TXNRD2: variants seen among roughly 807,000 people sequenced by gnomAD.
The protein encoded by TXNRD2 is thioredoxin reductase 2, also known as thioredoxin reductase 2, mitochondrial.
Under a neutral mutation model 70.8 loss-of-function variants are expected in TXNRD2, and 67 were observed. The ratio of observed to expected loss-of-function variants is 0.95; its 90% CI spans 0.78 to 1.16. TXNRD2 has a LOEUF of 1.16. TXNRD2 is among the 50% of genes most tolerant of loss of function. The pLI, the probability that TXNRD2 is intolerant of heterozygous loss-of-function variation, is 0.00. For missense variants in TXNRD2, 644 were observed against 719.9 expected, an observed-to-expected ratio of 0.89 and a Z score of 1.21; for synonymous variants, 301 against 295.8, an observed-to-expected ratio of 1.02 and a Z score of -0.18.
At chr22:19,895,082 G>T in intron 11 of TXNRD2, 1 of 1,596,248 alleles carries the variant, frequency 6.3e-7, no homozygotes, top group South Asian at 1.1e-5. Context: ...CAGGGAAGGC[G>T]AGGATGATTG....
intron 4 of TXNRD2, 117 bp downstream of exon 4, chr22:19,918,743 G>T: frequency 2.3e-6 from 3 of 1,317,072 alleles, no homozygotes; most frequent in South Asian, 1.2e-5. Flanking sequence ...GCCCCTGGCT[G>T]AGAAACCCAT....
intron 8 of TXNRD2, among the ~76,000 whole-genome samples, chr22:19,899,997 A>G (rs1471774652): frequency 6.6e-6 from 1 of 152,258 alleles, no homozygotes; most frequent in African/African-American, 2.4e-5. Context: ...GCCCAATGTC[A>G]TTGCTAATCC....
intron 8 of TXNRD2, among the ~76,000 whole-genome samples, chr22:19,910,705 C>G (rs974430747): frequency 6.6e-6 from 1 of 152,178 alleles, no homozygotes; most frequent in Non-Finnish European, 1.5e-5. Flanking sequence ...CTCCTGGGCT[C>G]AAGCAATCCT....
chr22:19,933,598 C>T (rs754021409), intron 1 of TXNRD2: 148 of 979,842 alleles, frequency 1.5e-4, no homozygotes, highest in Non-Finnish European at 1.9e-4. Flanking sequence ...CCCCTGTGCA[C>T]ACCCAGGAGC....
At chr22:19,901,669 A>G (rs184198156) in intron 8 of TXNRD2, among the ~76,000 whole-genome samples, 130 of 152,328 alleles carry the variant, frequency 8.5e-4, no homozygotes, top group Non-Finnish European at 1.5e-3. Context: ...AATAAGACAG[A>G]CACCAAAGCC....
rs1019367274 is a variant in TXNRD2, at chr22:19,895,311, T to C, written c.949+96A>G. ...CCAACCCGCCTGGCAGCCAGCAGGA[T>C]GGGGGAGCCCTGGGAGGTGACAGGA... On this transcript the variant is annotated intron_variant, in intron 11 of 17. Transcript: ENST00000400521. 14 of 1,599,972 alleles carry C rather than the reference T, an allele frequency of 8.8e-6. No individual in the cohort carries two copies. In the African/African-American group the frequency reaches 1.9e-4, roughly 21 times the overall value.
At chr22:19,880,804 G>A in intron 12 of TXNRD2, 87 bp from the exon 13 acceptor site, 1 of 899,344 alleles carries the variant, frequency 1.1e-6, no homozygotes, top group Non-Finnish European at 1.8e-6. Flanking sequence ...CCTCCGAGTG[G>A]GCATCTCCCT....
chr22:19,894,688 C>T (rs2145967311), intron 11 of TXNRD2: 1 of 190,914 alleles, frequency 5.2e-6, no homozygotes, highest in Admixed American at 5.4e-5. Flanking sequence ...ATTTAATATG[C>T]TAAAGAAAAA....
intron 1 of TXNRD2, among the ~76,000 whole-genome samples, chr22:19,933,118 C>A (rs76430998): frequency 6.6e-6 from 1 of 152,234 alleles, no homozygotes; most frequent in East Asian, 1.9e-4. Context: ...CCAAACCCAC[C>A]CACTCTTTCA....
chr22:19,932,349 C>T (rs1456626854), intron 1 of TXNRD2: 12 of 1,612,424 alleles, frequency 7.4e-6, no homozygotes, highest in African/African-American at 6.7e-5. Context: ...GTTGTGGTGT[C>T]GCCTCACCTT....
At chr22:19,912,577 A>C (rs1385634416) in intron 7 of TXNRD2, among the ~76,000 whole-genome samples, 1 of 152,222 alleles carries the variant, frequency 6.6e-6, no homozygotes, top group African/African-American at 2.4e-5. Context: ...GGCTGCTGGA[A>C]GCTGGCTGTG....
chr22:19,896,689 G>C (rs1330323252), intron 10 of TXNRD2, among the ~76,000 whole-genome samples: 1 of 152,254 alleles, frequency 6.6e-6, no homozygotes, highest in Non-Finnish European at 1.5e-5. Context: ...GGACTTGCAC[G>C]GACCAGCAGT....
At chr22:19,937,239 G>A (rs1319253206) in intron 1 of TXNRD2, among the ~76,000 whole-genome samples, 1 of 152,126 alleles carries the variant, frequency 6.6e-6, no homozygotes, top group African/African-American at 2.4e-5. Context: ...TAATTACTCT[G>A]ATACTACTGC....
intron 14 of TXNRD2, 107 bp downstream of exon 14, chr22:19,880,072 C>T (rs1313381414): frequency 1.4e-5 from 17 of 1,204,458 alleles, no homozygotes; most frequent in Non-Finnish European, 1.9e-5. Context: ...CTCAGGGCCC[C>T]TGGAAAGGAG....
At chr22:19,924,003 T>G (rs994804704) in intron 2 of TXNRD2, among the ~76,000 whole-genome samples, 2 of 151,550 alleles carry the variant, frequency 1.3e-5, no homozygotes, top group Non-Finnish European at 2.9e-5. Flanking sequence ...CTTTTTTTTC[T>G]TTTTTCTTTT....
At chr22:19,898,164 C>G (rs748892330) in intron 9 of TXNRD2, 34 bp from the exon 10 acceptor site, 1 of 1,542,878 alleles carries the variant, frequency 6.5e-7, no homozygotes, top group Non-Finnish European at 8.8e-7. Context: ...ACTGTAGATC[C>G]CAATTTTGGA....
At chr22:19,927,651 C>CAAAA (rs149665821) in intron 2 of TXNRD2, among the ~76,000 whole-genome samples, 245 of 68,244 alleles carry the variant, frequency 3.6e-3, no homozygotes, top group Non-Finnish European at 4.3e-3. Context: ...GACCTTGTCT[C>CAAAA]AAAAAAAAAA....
chr22:19,941,778 C>T lies in TXNRD2; in HGVS notation c.26G>A (p.Arg9Gln), dbSNP rs866665461. 6.5e-7 allele frequency: 1 copy of T among 1,527,570 alleles called. No individual in the cohort carries two copies. The highest frequency in any genetic ancestry group is 2.6e-5 in the East Asian group (1 of 37,858). 94.6% of individuals were successfully genotyped at this position (1,527,570 alleles called of 1,614,324 possible). MAAMAVALRGLGGRFRWRT... is the reference protein window; with the variant it reads MAAMAVALQGLGGRFRWRT... ...CCACCGGAAGCGCCCTCCTAATCCC[C>T]GCAGCGCCACCGCCATTGCCGCCAT... Residue 9 changes from arginine (R) to glutamine (Q), a missense_variant, in exon 1 of 18, where the codon CGG becomes CAG. Arg to Gln is a conservative substitution (Grantham distance 43, BLOSUM62 1). This residue lies in a region of TXNRD2 where 71 missense variants were observed against 53.6 expected (regional missense o/e 1.33). Coordinates refer to ENST00000400521, the MANE Select transcript of TXNRD2 (RefSeq NM_006440.5).
intron 8 of TXNRD2, among the ~76,000 whole-genome samples, chr22:19,908,298 C>T (rs558786930): frequency 2.9e-4 from 44 of 152,086 alleles, no homozygotes; most frequent in African/African-American, 1.0e-3. Context: ...CCTGAGTTAC[C>T]AAGGACAGGG....
Sources: allele counts gnomAD v4.1 joint callset (sites outside exome capture counted in the v4.1 genomes callset), GRCh38; gene constraint gnomAD v4.1.1; regional missense constraint gnomAD v4.1.1; transcripts MANE v1.5; gene names NCBI Gene and HGNC (gene_info 2026-07-23, HGNC 2026-07-21).